Variants in XRRA1 observed in about 807,000 individuals in gnomAD.
The protein encoded by XRRA1 is X-ray radiation resistance associated 1.
XRRA1 carries 69 observed loss-of-function variants against 80.2 expected under a neutral mutation model. That is an observed-to-expected ratio of 0.86 (90% confidence interval 0.71 to 1.05). XRRA1 has a LOEUF of 1.05. Among genes scored for constraint, XRRA1 ranks in the 50% least tolerant of loss-of-function variants. XRRA1 has a pLI of 0.00. For synonymous variants in XRRA1, 348 were observed against 389.9 expected (o/e 0.89, Z 1.27); for missense variants, 967 against 976.4 (o/e 0.99, Z 0.13).
rs534764363 is a variant in XRRA1, at chr11:74,924,255, C to G, written c.523-2908G>C. Among the ~76,000 whole-genome samples, 494 of 150,370 alleles carry G rather than the reference C, an allele frequency of 3.3e-3. 2 individuals carry two copies. Among genetic ancestry groups the G allele is most frequent in the African/African-American group, 0.011 (472 of 41,128 alleles). ...CTTTGGGAGGCCGAGACGGGCAGAT[C>G]ACGAGGTCAGGAGATCGAGACCATC... On this transcript the variant is annotated intron_variant, in intron 7 of 18. Transcript: ENST00000684022.
At chr11:74,922,395 A>G (rs1941107140) in intron 7 of XRRA1, among the ~76,000 whole-genome samples, 2 of 152,262 alleles carry the variant, frequency 1.3e-5, no homozygotes, top group East Asian at 1.9e-4. Flanking sequence ...TCAAGGGGCC[A>G]AGGGGTCAGT....
At chr11:74,849,473 A>G (rs2039226590) in intron 14 of XRRA1, among the ~76,000 whole-genome samples, 1 of 152,218 alleles carries the variant, frequency 6.6e-6, no homozygotes, top group Non-Finnish European at 1.5e-5. Context: ...TGAGGGACCC[A>G]GAGTCTTTGT....
At chr11:74,924,034 G>A (rs1330018212) in intron 7 of XRRA1, among the ~76,000 whole-genome samples, 1 of 151,666 alleles carries the variant, frequency 6.6e-6, no homozygotes, top group Non-Finnish European at 1.5e-5. Context: ...GTAGAGACAC[G>A]GTCTCATTTT....
intron 8 of XRRA1, among the ~76,000 whole-genome samples, chr11:74,915,115 G>T (rs999553633): frequency 6.6e-6 from 1 of 152,174 alleles, no homozygotes; most frequent in Admixed American, 6.5e-5. Flanking sequence ...CAGGGGAAGA[G>T]AAATCTTCTA....
At chr11:74,925,567 C>T (rs1280349170) in intron 7 of XRRA1, among the ~76,000 whole-genome samples, 1 of 151,482 alleles carries the variant, frequency 6.6e-6, no homozygotes, top group African/African-American at 2.5e-5. Context: ...CAAGAGATTT[C>T]CTGTTTTCAT....
chr11:74,845,719 T>C (rs114323939), intron 15 of XRRA1, among the ~76,000 whole-genome samples: 1,571 of 152,296 alleles, frequency 0.01, 31 homozygotes, highest in African/African-American at 0.034. Context: ...AGTGAAGAGA[T>C]AGGCAACTGC....
At chr11:74,909,830 GT>G (rs2138347139) in intron 8 of XRRA1, 1 of 152,338 alleles carries the variant, frequency 6.6e-6, no homozygotes, top group Admixed American at 6.5e-5. Flanking sequence ...TTTAATGAAA[GT>G]TTTTCAGAAG....
chr11:74,850,245 T>C (rs1249942017), intron 14 of XRRA1, among the ~76,000 whole-genome samples: 4 of 152,192 alleles, frequency 2.6e-5, no homozygotes, highest in Non-Finnish European at 5.9e-5. Flanking sequence ...GTAAGAGCTC[T>C]GCAGAGTCCT....
chr11:74,849,602 C>T (rs527336981), intron 14 of XRRA1, among the ~76,000 whole-genome samples: 2 of 152,216 alleles, frequency 1.3e-5, no homozygotes, highest in African/African-American at 2.4e-5. Flanking sequence ...CCTCTCATGG[C>T]TCTGTGAGAG....
chr11:74,908,145 G>C (rs2055052737), intron 8 of XRRA1, among the ~76,000 whole-genome samples: 1 of 152,306 alleles, frequency 6.6e-6, no homozygotes, highest in African/African-American at 2.4e-5. Flanking sequence ...CACACAACTA[G>C]AGGAAGGGAA....
At position 74,843,455 on chromosome 11, in the gene XRRA1, TG is replaced by T; in HGVS notation, c.2150-3del. Reference sequence around the variant, plus strand: ...CTGTCCACTGGTGCAGGACAGCACCTGCAGGAAAAGAAGCCAGGAGAGGCAC... The same window carrying T: ...CTGTCCACTGGTGCAGGACAGCACCTCAGGAAAAGAAGCCAGGAGAGGCAC... On this transcript the variant is annotated splice_polypyrimidine_tract_variant and splice_region_variant and intron_variant, in intron 18 of 18. Coordinates refer to ENST00000684022, the MANE Select transcript of XRRA1 (RefSeq NM_001378157.1). 1 of 1,610,552 alleles carries T rather than the reference TG, an allele frequency of 6.2e-7. No homozygotes were observed. Among genetic ancestry groups the T allele is most frequent in the South Asian group, 1.1e-5 (1 of 90,114 alleles).
chr11:74,919,140 G>C (rs1229458096), intron 8 of XRRA1: 1 of 152,292 alleles, frequency 6.6e-6, no homozygotes, highest in Admixed American at 6.5e-5. Context: ...TGATATTTTA[G>C]GTGGAATAAT....
chr11:74,923,489 G>A (rs149485860), intron 7 of XRRA1, among the ~76,000 whole-genome samples: 215 of 152,358 alleles, frequency 1.4e-3, no homozygotes, highest in South Asian at 4.1e-3. Flanking sequence ...TCATACTCAT[G>A]TGTGAACAGT....
chr11:74,885,012 C>T (rs117426756), intron 10 of XRRA1, among the ~76,000 whole-genome samples: 7,959 of 152,156 alleles, frequency 0.052, 296 homozygotes, highest in Non-Finnish European at 0.083. Flanking sequence ...GCCTGTAATC[C>T]CAGCAATTTG....
At chr11:74,855,300 A>G (rs2040826008) in intron 12 of XRRA1, among the ~76,000 whole-genome samples, 1 of 152,236 alleles carries the variant, frequency 6.6e-6, no homozygotes, top group Admixed American at 6.5e-5. Context: ...GACAATCACT[A>G]AAGAATGGGA....
At chr11:74,856,779 A>C (rs557621452) in intron 12 of XRRA1, among the ~76,000 whole-genome samples, 24 of 152,300 alleles carry the variant, frequency 1.6e-4, no homozygotes, top group Non-Finnish European at 2.9e-4. Flanking sequence ...ACAAAAAGGC[A>C]GGGGGCCTTA....
chr11:74,941,895 G>C (rs77995298), intron 2 of XRRA1, among the ~76,000 whole-genome samples: 1 of 152,082 alleles, frequency 6.6e-6, no homozygotes, highest in South Asian at 2.1e-4. Context: ...TTAGAAGTAT[G>C]AGCATTTCAT....
At chr11:74,884,239 T>C (rs1165097656) in intron 10 of XRRA1, among the ~76,000 whole-genome samples, 1 of 152,168 alleles carries the variant, frequency 6.6e-6, no homozygotes, top group Non-Finnish European at 1.5e-5. Context: ...CGAGCTGGAA[T>C]CTTGCACAGG....
At chr11:74,887,865 AG>A (rs1290203620) in intron 10 of XRRA1, among the ~76,000 whole-genome samples, 1 of 152,058 alleles carries the variant, frequency 6.6e-6, no homozygotes. Flanking sequence ...TGGGGCAGTG[AG>A]TCTGGGGGAG....
Sources: allele counts gnomAD v4.1 joint callset (sites outside exome capture counted in the v4.1 genomes callset), GRCh38; gene constraint gnomAD v4.1.1; transcripts MANE v1.5; gene names NCBI Gene and HGNC (gene_info 2026-07-23, HGNC 2026-07-21).